Variants in CIB4 observed in about 807,000 individuals in gnomAD.
CIB4 encodes calcium and integrin-binding family member 4.
In CIB4, 25 loss-of-function variants were observed where a neutral mutation model predicts 25.8. The observed-to-expected ratio is 0.97, with a 90% confidence interval of 0.71 to 1.35. CIB4 has a LOEUF of 1.35. CIB4 is among the 40% of genes most tolerant of loss of function. CIB4 has a pLI of 0.00. For synonymous variants in CIB4, 75 were observed against 81.4 expected (o/e 0.92, Z 0.42); for missense variants, 235 against 228.2 (o/e 1.03, Z -0.19).
Position 26,582,811 on chromosome 2 carries a change from C to A in CIB4, c.527+14G>T. ...ACTCTCCTGGACAGTCTCACCCCCT[C>A]CAGAATGCCTTACTTCATGAAATCT... On this transcript the variant is annotated intron_variant, in intron 6 of 6. Coordinates refer to ENST00000288861, the MANE Select transcript of CIB4 (RefSeq NM_001029881.3). 1 of 1,578,030 alleles carries A rather than the reference C, an allele frequency of 6.3e-7. No homozygotes were observed. Among genetic ancestry groups the A allele is most frequent in the Non-Finnish European group, 8.7e-7 (1 of 1,147,422 alleles).
intron 2 of CIB4, among the ~76,000 whole-genome samples, chr2:26,638,326 G>A (rs534325810): frequency 4.6e-5 from 7 of 152,150 alleles, no homozygotes; most frequent in Non-Finnish European, 7.3e-5. Flanking sequence ...GGAGGAGGTC[G>A]TCTCAGGTCC....
chr2:26,619,075 G>A (rs560244171), intron 3 of CIB4, among the ~76,000 whole-genome samples: 2 of 152,200 alleles, frequency 1.3e-5, no homozygotes, highest in Non-Finnish European at 2.9e-5. Flanking sequence ...TGCACAACCC[G>A]CAGTAAAGGC....
intron 3 of CIB4, among the ~76,000 whole-genome samples, chr2:26,609,011 C>T (rs1668947016): frequency 6.6e-6 from 1 of 152,200 alleles, no homozygotes; most frequent in Non-Finnish European, 1.5e-5. Context: ...TTTCTATTGA[C>T]AACCGCAGCC....
intron 3 of CIB4, among the ~76,000 whole-genome samples, chr2:26,616,750 A>T (rs1669099903): frequency 6.6e-6 from 1 of 152,134 alleles, no homozygotes; most frequent in Admixed American, 6.5e-5. Context: ...CCTACCACAC[A>T]CATGTACATA....
chr2:26,607,660 G>C (rs1668916453), intron 3 of CIB4, among the ~76,000 whole-genome samples: 1 of 152,152 alleles, frequency 6.6e-6, no homozygotes, highest in Admixed American at 6.5e-5. Flanking sequence ...CCAGGACCCG[G>C]ATAAACATTT....
chr2:26,600,453 A>G (rs1380328538), intron 3 of CIB4, among the ~76,000 whole-genome samples: 2 of 152,224 alleles, frequency 1.3e-5, no homozygotes, highest in South Asian at 2.1e-4. Context: ...GATATGATTA[A>G]TGTTTATATT....
intron 2 of CIB4, among the ~76,000 whole-genome samples, chr2:26,632,177 C>T (rs565501185): frequency 1.3e-5 from 2 of 152,358 alleles, no homozygotes; most frequent in South Asian, 2.1e-4. Flanking sequence ...GAGCCAGCCT[C>T]CTTCCAGTGG....
chr2:26,609,786 G>T (rs560524993), intron 3 of CIB4, among the ~76,000 whole-genome samples: 1 of 152,284 alleles, frequency 6.6e-6, no homozygotes, highest in South Asian at 2.1e-4. Context: ...CAATGCTTGT[G>T]GCTCAGGCTG....
intron 4 of CIB4, among the ~76,000 whole-genome samples, chr2:26,590,060 T>C (rs1237618097): frequency 6.6e-6 from 1 of 152,070 alleles, no homozygotes; most frequent in Admixed American, 6.6e-5. Flanking sequence ...CTCCAGACTT[T>C]GTTTTTTCTT....
chr2:26,615,371 A>G (rs375576768), intron 3 of CIB4, among the ~76,000 whole-genome samples: 82 of 152,302 alleles, frequency 5.4e-4, no homozygotes, highest in African/African-American at 1.9e-3. Context: ...CATAGGCTGC[A>G]GGGTACAGAA....
chr2:26,628,140 C>T (rs1669344149), intron 3 of CIB4, among the ~76,000 whole-genome samples: 1 of 152,236 alleles, frequency 6.6e-6, no homozygotes, highest in Non-Finnish European at 1.5e-5. Flanking sequence ...GTGACATTTC[C>T]TCTCAATGCA....
At chr2:26,604,566 C>G (rs1011979910) in intron 3 of CIB4, among the ~76,000 whole-genome samples, 4 of 151,898 alleles carry the variant, frequency 2.6e-5, no homozygotes, top group Admixed American at 6.6e-5. Context: ...TCTTCTATAC[C>G]CAGCAAAAAT....
intron 3 of CIB4, among the ~76,000 whole-genome samples, chr2:26,604,000 C>T (rs1331111688): frequency 1.5e-5 from 2 of 131,540 alleles, no homozygotes; most frequent in African/African-American, 6.3e-5. Flanking sequence ...AAGAGCATAC[C>T]TTAAAAAAAA....
chr2:26,598,347 A>C (rs1165051230), intron 3 of CIB4, among the ~76,000 whole-genome samples: 1 of 151,996 alleles, frequency 6.6e-6, no homozygotes, highest in Non-Finnish European at 1.5e-5. Flanking sequence ...AAGTTAAAGA[A>C]ATGGCTCATG....
At chr2:26,590,270 A>AAC (rs1668561883) in intron 4 of CIB4, among the ~76,000 whole-genome samples, 1 of 151,000 alleles carries the variant, frequency 6.6e-6, no homozygotes, top group South Asian at 2.1e-4. Context: ...AAAAAAAAAA[A>AAC]AAAAAAAAAA....
chr2:26,601,446 G>A (rs775752411), intron 3 of CIB4, among the ~76,000 whole-genome samples: 6 of 151,812 alleles, frequency 4.0e-5, no homozygotes, highest in Admixed American at 3.9e-4. Flanking sequence ...CATAAGTGAT[G>A]TTGGGTTTAG....
chr2:26,600,973 C>T (rs1668770814), intron 3 of CIB4, among the ~76,000 whole-genome samples: 1 of 151,888 alleles, frequency 6.6e-6, no homozygotes, highest in Non-Finnish European at 1.5e-5. Flanking sequence ...CTCACACCAG[C>T]ACTTTGGGAG....
chr2:26,612,107 C>T (rs1275973), intron 3 of CIB4, among the ~76,000 whole-genome samples: 103,332 of 152,046 alleles, frequency 0.68, 35,367 homozygotes, highest in African/African-American at 0.75. Flanking sequence ...CTTTCCTTCC[C>T]AGGGGGTTGG....
At chr2:26,606,801 T>A (rs1285217448) in intron 3 of CIB4, among the ~76,000 whole-genome samples, 3 of 152,190 alleles carry the variant, frequency 2.0e-5, no homozygotes, top group African/African-American at 7.2e-5. Flanking sequence ...ATGCTCAACC[T>A]TCCTGAAGTC....
Sources: gnomAD v4.1 joint callset for allele counts (sites outside exome capture counted in the v4.1 genomes callset) on GRCh38, gnomAD v4.1.1 for gene constraint, MANE v1.5 for transcripts, NCBI Gene and HGNC (gene_info 2026-07-23, HGNC 2026-07-21) for gene names.